The following MPPE1 variants were observed in gnomAD, a reference collection of about 807,000 sequenced individuals.
MPPE1 encodes the protein metallo phosphoesterase.
MPPE1 carries 28 observed loss-of-function variants against 43.8 expected under a neutral mutation model. The observed-to-expected ratio is 0.64, with a 90% CI of 0.47 to 0.88. The LOEUF (loss-of-function observed/expected upper bound fraction) is 0.88, where lower values mean the gene tolerates loss of function less well. MPPE1 is among the 40% of genes least tolerant of loss of function. The probability of loss-of-function intolerance (pLI) is 0.00; values close to 1 mark genes in which losing one functional copy is unlikely to be tolerated. For synonymous variants in MPPE1, 159 were observed against 188.5 expected (o/e 0.84, Z 1.28); for missense variants, 428 against 492.2 (o/e 0.87, Z 1.23).
chr18:11,894,183 CTTTGGGAGGCCGAGG>C lies in MPPE1; in HGVS notation c.282-622_282-608del, dbSNP rs912410467. 1.1e-4 allele frequency among the ~76,000 whole-genome samples: 17 copies of C among 152,138 alleles called. No homozygotes were observed. In the South Asian group the frequency reaches 1.2e-3, roughly 11 times the overall value. ...GTGGCTCATGCCTGTAATCCCAGCA[CTTTGGGAGGCCGAGG>C]TGGGCAGATCATAAAGTTAGGAGTT... On this transcript the variant is annotated intron_variant, in intron 3 of 10. Coordinates refer to ENST00000588072, the MANE Select transcript of MPPE1 (RefSeq NM_023075.6).
intron 2 of MPPE1, among the ~76,000 whole-genome samples, chr18:11,902,004 C>A (rs1394779932): frequency 6.6e-6 from 1 of 152,236 alleles, no homozygotes; most frequent in Non-Finnish European, 1.5e-5. Context: ...TCAAGCTGTA[C>A]TTTATCTTCT....
Position 11,886,107 on chromosome 18 carries a change from T to C in MPPE1, c.868-291A>G, listed in dbSNP as rs568226809. On this transcript the variant is annotated intron_variant, in intron 9 of 10. Transcript: ENST00000588072. The surrounding 1 kb of genome is among the most constrained non-coding windows in gnomAD (Gnocchi z 4.1). ...CTTATAAATATTTCTTATATTTATATATTATGTATAATGTAATATGTATTA... is the reference window on the plus strand; with the variant it reads ...CTTATAAATATTTCTTATATTTATACATTATGTATAATGTAATATGTATTA... 3 of 161,872 alleles carry C rather than the reference T, an allele frequency of 1.9e-5. No homozygotes were observed. The highest frequency in any genetic ancestry group is 6.5e-5 in the Admixed American group (1 of 15,434). 10.0% of individuals were successfully genotyped at this position (161,872 alleles called of 1,614,324 possible).
chr18:11,886,830 G>T lies in MPPE1; in HGVS notation c.679-52C>A. 1 of 1,600,382 alleles carries T rather than the reference G, an allele frequency of 6.2e-7. No individual in the cohort carries two copies. ...TCCGCACACCTGACCCTCATCAAAG[G>T]GCAAGAAGCGCTAGGGGGCTGAGTG... On this transcript the variant is annotated intron_variant, in intron 7 of 10. Transcript: ENST00000588072. The surrounding 1 kb of genome is among the most constrained non-coding windows in gnomAD (Gnocchi z 4.1).
In MPPE1 at chr18:11,896,977, C is replaced by T; in HGVS notation, c.281+7G>A. On this transcript the variant is annotated splice_region_variant and intron_variant, in intron 3 of 10. Transcript: ENST00000588072. The stretch of plus-strand genomic sequence containing the variant: ...ATTTTAGAAAGATTCCTGATTTTAC[C>T]TCTTACCTTCGTAATTTGTCCAGCC... The T allele has an allele frequency of 3.1e-6, 5 of 1,606,918 alleles. No individual in the cohort carries two copies. Among genetic ancestry groups the T allele is most frequent in the African/African-American group, 2.7e-5 (2 of 74,776 alleles).
intron 4 of MPPE1, among the ~76,000 whole-genome samples, chr18:11,892,263 C>A (rs1008322935): frequency 6.6e-6 from 1 of 151,520 alleles, no homozygotes; most frequent in African/African-American, 2.4e-5. Flanking sequence ...TCGCTTGAAC[C>A]CAGAAGGCGG....
Position 11,884,520 on chromosome 18 carries a change from T to A in MPPE1, c.1116A>T (p.Thr372=). Reference sequence around the variant, plus strand: ...AGGCTAGAAGCCCAAAGTGAGTGAGTGTGAGGACCACAAGGAAGCCCACCA... The same window carrying A: ...AGGCTAGAAGCCCAAAGTGAGTGAGAGTGAGGACCACAAGGAAGCCCACCA... ...CGVVGFLVVL[T]LTHFGLLASP... Residue 372 remains threonine (T), a synonymous_variant, in exon 11 of 11, where the codon ACA becomes ACT. Coordinates refer to ENST00000588072, the MANE Select transcript of MPPE1 (RefSeq NM_023075.6). 6.2e-7 allele frequency: 1 copy of A among 1,614,032 alleles called. No individual in the cohort carries two copies.
At position 11,886,225 on chromosome 18, in the gene MPPE1, G is replaced by T. The variant is rs2037220315; in HGVS notation, c.867+274C>A. The T allele has an allele frequency of 2.3e-6, 1 of 433,736 alleles. No individual in the cohort carries two copies. Among genetic ancestry groups the T allele is most frequent in the Non-Finnish European group, 4.1e-6 (1 of 245,310 alleles). 26.9% of individuals were successfully genotyped at this position (433,736 alleles called of 1,614,324 possible). ...CATTCACATTTCTAAATACATTTAA[G>T]TTGGTGAAAAACTCTGAATACAAAG... is the stretch of plus-strand genomic sequence containing the variant. On this transcript the variant is annotated intron_variant, in intron 9 of 10. Transcript: ENST00000588072. The surrounding 1 kb of genome is among the most constrained non-coding windows in gnomAD (Gnocchi z 4.1).
In MPPE1 at chr18:11,897,068, C is replaced by T. The variant is rs369348336; in HGVS notation, c.197G>A (p.Arg66His). The T allele has an allele frequency of 1.0e-4, 158 of 1,532,680 alleles. 1 individual carries two copies. The highest frequency in any genetic ancestry group is 1.0e-3 in the African/African-American group (73 of 72,454). 94.9% of individuals were successfully genotyped at this position (1,532,680 alleles called of 1,614,324 possible). ...AAACATGGCTTTGAGCACAGGCTCA[C>T]GTGTGGTCTGTTCACCATCAGAGGC... is the stretch of plus-strand genomic sequence containing the variant. ...TTASDGEQTT[R>H]EPVLKAMFLA... Residue 66 changes from arginine (R) to histidine (H), a missense_variant, in exon 3 of 11, where the codon CGT becomes CAT. By Grantham distance (29) the Arg-to-His change is conservative. Coordinates refer to ENST00000588072, the MANE Select transcript of MPPE1 (RefSeq NM_023075.6).
rs962766242 is a variant in MPPE1 at position 11,900,741 on chromosome 18, A to G, written c.-92-3385T>C. ...GCTAACACGGTGAAACCCCATCTCTACTAAAAATACAAAAAATTAGCCAGG... is the reference window on the plus strand; with the variant it reads ...GCTAACACGGTGAAACCCCATCTCTGCTAAAAATACAAAAAATTAGCCAGG... On this transcript the variant is annotated intron_variant, in intron 2 of 10. Coordinates refer to ENST00000588072, the MANE Select transcript of MPPE1 (RefSeq NM_023075.6). 9.9e-5 allele frequency among the ~76,000 whole-genome samples: 15 copies of G among 151,710 alleles called. No individual in the cohort carries two copies. In the South Asian group the frequency reaches 1.0e-3, roughly 11 times the overall value.
intron 2 of MPPE1, among the ~76,000 whole-genome samples, chr18:11,901,890 G>GGATT (rs2039248673): frequency 1.3e-5 from 2 of 152,148 alleles, no homozygotes; most frequent in South Asian, 4.1e-4. Flanking sequence ...TTTTAACTAT[G>GGATT]TCCTTTCAGA....
At chr18:11,889,736 TTGTG>T (rs892261096) in intron 4 of MPPE1, among the ~76,000 whole-genome samples, 1 of 149,408 alleles carries the variant, frequency 6.7e-6, no homozygotes, top group Non-Finnish European at 1.5e-5. Flanking sequence ...CTAACTTATT[TTGTG>T]TGTGTGTATT....
At chr18:11,902,635 G>C (rs2039318437) in intron 2 of MPPE1, 1 of 152,146 alleles carries the variant, frequency 6.6e-6, no homozygotes, top group Non-Finnish European at 1.5e-5. Flanking sequence ...TTGCTGTTTG[G>C]TAGGTTTCTG....
intron 2 of MPPE1, among the ~76,000 whole-genome samples, chr18:11,898,450 C>G (rs2038818086): frequency 6.6e-6 from 1 of 152,152 alleles, no homozygotes; most frequent in Middle Eastern, 3.2e-3. Flanking sequence ...CCTTTGAAAA[C>G]TAATGAAAGG....
rs755021078 is a variant in MPPE1, at chr18:11,885,709, A to T, written c.975T>A (p.Ser325Arg). Reference protein sequence around the residue: ...RVPELSVPSFSWRNRNNPSFI... With the variant: ...RVPELSVPSFRWRNRNNPSFI... ...AACTGGGGTTGTTTCTGTTCCTCCA[A>T]CTGAAAGATGGGACGCTGAGCTCGG... Residue 325 changes from serine to arginine, a missense_variant, in exon 10 of 11, where the codon AGT (serine) becomes AGA (arginine). Physicochemically the swap from Ser to Arg is moderately radical, Grantham distance 110. Transcript: ENST00000588072. 9 of 1,613,852 alleles carry T rather than the reference A, an allele frequency of 5.6e-6. No homozygotes were observed. In the South Asian group the frequency reaches 9.9e-5, roughly 18 times the overall value.
Position 11,886,518 on chromosome 18 carries a change from G to C in MPPE1, c.848C>G (p.Ser283Ter). 1 of 1,614,168 alleles carries C rather than the reference G, an allele frequency of 6.2e-7. No individual in the cohort carries two copies. The highest frequency in any genetic ancestry group is 8.5e-7 in the Non-Finnish European group (1 of 1,180,046). The change falls in exon 9 of 11, where the codon TCA (serine) becomes TGA (stop). Residue 283 changes from serine to a stop codon, truncating the protein, a stop_gained. Coordinates refer to ENST00000588072, the MANE Select transcript of MPPE1 (RefSeq NM_023075.6). LOFTEE classifies it high-confidence loss of function. The surrounding 1 kb of genome is among the most constrained non-coding windows in gnomAD (Gnocchi z 4.1). ...IPFKENYDVL[S>*]REASQKLLWW... ...GCAAACCTTTTGTGATGCCTCCCGT[G>C]AAAGCACGTCATAGTTCTCCTTAAA...
chr18:11,892,120 G>C (rs534949365), intron 4 of MPPE1, among the ~76,000 whole-genome samples: 1 of 151,088 alleles, frequency 6.6e-6, no homozygotes, highest in Non-Finnish European at 1.5e-5. Flanking sequence ...TGGGCAGATT[G>C]CCTGAGCTCA....
At chr18:11,904,241 G>C (rs765630192) in intron 2 of MPPE1, among the ~76,000 whole-genome samples, 1 of 152,146 alleles carries the variant, frequency 6.6e-6, no homozygotes, top group Non-Finnish European at 1.5e-5. Context: ...GGCTGGCACT[G>C]TTACATATTT....
intron 2 of MPPE1, among the ~76,000 whole-genome samples, chr18:11,901,551 G>C (rs2039205294): frequency 1.3e-5 from 2 of 151,004 alleles, no homozygotes; most frequent in Admixed American, 6.6e-5. Context: ...ATTTAAAAGG[G>C]AACAGCTGGC....
Position 11,885,196 on chromosome 18 carries a change from AGCATCATGAG to A in MPPE1, c.1008+470_1008+479del, listed in dbSNP as rs2037007708. 6.5e-6 allele frequency: 3 copies of A among 461,300 alleles called. No homozygotes were observed. The South Asian group carries it at 7.8e-5, about 12-fold the overall frequency. 28.6% of individuals were successfully genotyped at this position (461,300 alleles called of 1,614,324 possible). The stretch of plus-strand genomic sequence containing the variant: ...ATGAAGTAAAAGAACCTGTCGTACC[AGCATCATGAG>A]CTGGATGCAGGAGCCCATGGCTGAA... On this transcript the variant is annotated intron_variant, in intron 10 of 10. Coordinates refer to ENST00000588072, the MANE Select transcript of MPPE1 (RefSeq NM_023075.6).
Sources: allele counts gnomAD v4.1 joint callset (sites outside exome capture counted in the v4.1 genomes callset), GRCh38; gene constraint gnomAD v4.1.1; non-coding constraint Gnocchi (gnomAD v3.1); transcripts MANE v1.5; gene names NCBI Gene and HGNC (gene_info 2026-07-23, HGNC 2026-07-21).